Variants in TCF7L1 observed in about 807,000 individuals in gnomAD.
TCF7L1 encodes transcription factor 7 like 1, also known as transcription factor 7-like 1.
A neutral mutation model predicts 63.7 loss-of-function variants in TCF7L1; 18 were observed. That is an observed-to-expected ratio of 0.28 (90% CI 0.20 to 0.42). The LOEUF (loss-of-function observed/expected upper bound fraction) is 0.42. TCF7L1 is among the 10% of genes least tolerant of loss of function. The pLI is 1.00. For synonymous variants in TCF7L1, 355 were observed against 340.9 expected (o/e 1.04, Z -0.46); for missense variants, 654 against 779.3 (o/e 0.84, Z 1.91).
At chr2:85,259,329 C>G (rs371626079) in intron 3 of TCF7L1, among the ~76,000 whole-genome samples, 4 of 152,198 alleles carry the variant, frequency 2.6e-5, no homozygotes, top group East Asian at 1.9e-4. Context: ...TTAAAAAGCC[C>G]GATAAACCCA....
chr2:85,277,627 C>T (rs1043947081), intron 3 of TCF7L1, among the ~76,000 whole-genome samples: 6 of 152,170 alleles, frequency 3.9e-5, no homozygotes, highest in African/African-American at 1.4e-4. Context: ...ATGGGCGAGA[C>T]CATGGGGCTG....
intron 4 of TCF7L1, among the ~76,000 whole-genome samples, chr2:85,284,355 G>C (rs1681492730): frequency 6.6e-6 from 1 of 152,126 alleles, no homozygotes; most frequent in African/African-American, 2.4e-5. Flanking sequence ...AATTCAATAG[G>C]ACGTATGCAA....
intron 3 of TCF7L1, among the ~76,000 whole-genome samples, chr2:85,236,815 C>A (rs1209374643): frequency 6.6e-6 from 1 of 151,996 alleles, no homozygotes. Context: ...CTAGGAATTG[C>A]CGAGTAATAG....
At chr2:85,160,235 C>T (rs1401624072) in intron 3 of TCF7L1, among the ~76,000 whole-genome samples, 2 of 152,166 alleles carry the variant, frequency 1.3e-5, no homozygotes, top group East Asian at 1.9e-4. Context: ...TGTTCTCCAA[C>T]ACTCCAACAG....
intron 3 of TCF7L1, among the ~76,000 whole-genome samples, chr2:85,161,500 G>A (rs1420878697): frequency 3.3e-5 from 5 of 152,110 alleles, no homozygotes; most frequent in Non-Finnish European, 7.4e-5. Context: ...TGCCCTCCCC[G>A]GGCTTGCTTC....
chr2:85,141,646 T>G (rs1677742053), intron 3 of TCF7L1, among the ~76,000 whole-genome samples: 1 of 152,168 alleles, frequency 6.6e-6, no homozygotes, highest in Non-Finnish European at 1.5e-5. Flanking sequence ...GGAGCCTGTT[T>G]GTAGGAGCCA....
intron 3 of TCF7L1, among the ~76,000 whole-genome samples, chr2:85,189,429 T>C (rs1264612606): frequency 6.6e-6 from 1 of 152,250 alleles, no homozygotes; most frequent in African/African-American, 2.4e-5. Context: ...GGCCTTTGGC[T>C]CAGATCCCCA....
intron 3 of TCF7L1, among the ~76,000 whole-genome samples, chr2:85,180,837 A>G (rs1678789358): frequency 6.6e-6 from 1 of 152,162 alleles, no homozygotes. Flanking sequence ...AGGTGCTGGG[A>G]GGTTGCATGA....
At chr2:85,281,727 G>A (rs6547608) in intron 3 of TCF7L1, among the ~76,000 whole-genome samples, 52,650 of 152,070 alleles carry the variant, frequency 0.35, 9,259 homozygotes, top group Non-Finnish European at 0.39. Context: ...CAGGTCTCCC[G>A]CGCCAGGCCT....
intron 3 of TCF7L1, among the ~76,000 whole-genome samples, chr2:85,163,708 C>T (rs1025074397): frequency 5.3e-5 from 8 of 152,118 alleles, no homozygotes; most frequent in Non-Finnish European, 1.0e-4. Context: ...ATCAAGGTGT[C>T]GGCAGGGTTG....
intron 3 of TCF7L1, among the ~76,000 whole-genome samples, chr2:85,252,490 A>G (rs1398336512): frequency 6.6e-6 from 1 of 151,970 alleles, no homozygotes; most frequent in East Asian, 1.9e-4. Flanking sequence ...CCTCGGTGTG[A>G]CCCCTCTGCA....
intron 3 of TCF7L1, among the ~76,000 whole-genome samples, chr2:85,144,591 G>C (rs570447414): frequency 2.7e-4 from 41 of 151,964 alleles, no homozygotes; most frequent in African/African-American, 9.6e-4. Context: ...GACAGAGTAA[G>C]ACCCTGTCTC....
Position 85,146,775 on chromosome 2 carries a change from A to T in TCF7L1, c.441+12325A>T, listed in dbSNP as rs140663063. Among the ~76,000 whole-genome samples, 252 of 152,026 alleles carry T rather than the reference A, an allele frequency of 1.7e-3. 1 individual carries two copies. Among genetic ancestry groups the T allele is most frequent in the African/African-American group, 5.9e-3 (244 of 41,448 alleles). Reference sequence around the variant, plus strand: ...TGCGTCGGCCTCCCAAAGTGCTGGGATCATAGGTGTGAGCCACTGTGCCTG... The same window carrying T: ...TGCGTCGGCCTCCCAAAGTGCTGGGTTCATAGGTGTGAGCCACTGTGCCTG... On this transcript the variant is annotated intron_variant, in intron 3 of 11. Coordinates refer to ENST00000282111, the MANE Select transcript of TCF7L1 (RefSeq NM_031283.3).
chr2:85,186,911 AC>A (rs1678939491), intron 3 of TCF7L1: 1 of 152,210 alleles, frequency 6.6e-6, no homozygotes. Flanking sequence ...ACGAACTGCC[AC>A]CCTTTGACAT....
At chr2:85,175,605 C>A (rs1678662589) in intron 3 of TCF7L1, among the ~76,000 whole-genome samples, 1 of 152,144 alleles carries the variant, frequency 6.6e-6, no homozygotes, top group Non-Finnish European at 1.5e-5. Context: ...TTGTGATTTC[C>A]CGATGGATCA....
intron 3 of TCF7L1, among the ~76,000 whole-genome samples, chr2:85,212,438 CTGT>C (rs1679586720): frequency 6.6e-6 from 1 of 152,190 alleles, no homozygotes; most frequent in African/African-American, 2.4e-5. Context: ...ATTGTGGCTG[CTGT>C]TATTATCTTG....
At chr2:85,294,025 G>GTTTTT (rs1558658876) in intron 4 of TCF7L1, among the ~76,000 whole-genome samples, 2 of 70,562 alleles carry the variant, frequency 2.8e-5, no homozygotes, top group African/African-American at 1.5e-4. Context: ...TGAACACTGG[G>GTTTTT]ATTTTTTTTT....
chr2:85,226,728 T>A (rs1027861855), intron 3 of TCF7L1, among the ~76,000 whole-genome samples: 2 of 152,036 alleles, frequency 1.3e-5, no homozygotes, highest in African/African-American at 2.4e-5. Flanking sequence ...GAGCCATCTC[T>A]CAGAACACAG....
chr2:85,204,744 C>G (rs1373288619), intron 3 of TCF7L1, among the ~76,000 whole-genome samples: 2 of 152,000 alleles, frequency 1.3e-5, no homozygotes, highest in Non-Finnish European at 2.9e-5. Context: ...TGAAATTACA[C>G]TGTAATGAAT....
Sources: allele counts gnomAD v4.1 joint callset (sites outside exome capture counted in the v4.1 genomes callset), GRCh38; gene constraint gnomAD v4.1.1; transcripts MANE v1.5; gene names NCBI Gene and HGNC (gene_info 2026-07-23, HGNC 2026-07-21).